The following LHFPL3 variants were observed in gnomAD, a reference collection of about 807,000 sequenced individuals.
The protein encoded by LHFPL3 is LHFPL tetraspan subfamily member 3, also known as LHFPL tetraspan subfamily member 3 protein.
A neutral mutation model predicts 19.3 loss-of-function variants in LHFPL3; 5 were observed. The ratio of observed to expected loss-of-function variants is 0.26; its 90% CI spans 0.14 to 0.54. The LOEUF (loss-of-function observed/expected upper bound fraction) is 0.54, where lower values mean the gene tolerates loss of function less well. Among genes scored for constraint, LHFPL3 ranks in the 20% least tolerant of loss-of-function variants. LHFPL3 has a pLI of 0.94. For synonymous variants in LHFPL3, 133 were observed against 126.2 expected (o/e 1.05, Z -0.36); for missense variants, 249 against 307.4 (o/e 0.81, Z 1.42).
intron 1 of LHFPL3, among the ~76,000 whole-genome samples, chr7:104,724,073 A>T (rs1562973554): frequency 6.6e-6 from 1 of 152,240 alleles, no homozygotes. Context: ...TCGTTGACTG[A>T]GGCATTAGCC....
intron 2 of LHFPL3, among the ~76,000 whole-genome samples, chr7:104,813,158 G>C (rs1790505417): frequency 6.6e-6 from 1 of 152,072 alleles, no homozygotes; most frequent in South Asian, 2.1e-4. Context: ...CACAACTGTG[G>C]TGCCAGCTAC....
intron 2 of LHFPL3, among the ~76,000 whole-genome samples, chr7:104,887,232 G>A (rs1792166902): frequency 6.6e-6 from 1 of 152,234 alleles, no homozygotes; most frequent in South Asian, 2.1e-4. Flanking sequence ...GGGAAGGAAA[G>A]ATGACTGTCT....
chr7:104,650,244 A>G (rs1219048831), intron 1 of LHFPL3, among the ~76,000 whole-genome samples: 6 of 152,222 alleles, frequency 3.9e-5, no homozygotes, highest in East Asian at 3.8e-4. Context: ...CTGTTAGGCC[A>G]CCACAATGAG....
At chr7:104,860,072 AGAAATAAAGTAC>A (rs1480488553) in intron 2 of LHFPL3, among the ~76,000 whole-genome samples, 2 of 152,140 alleles carry the variant, frequency 1.3e-5, no homozygotes, top group East Asian at 3.9e-4. Context: ...ACTTGGCTTA[AGAAATAAAGTAC>A]GACCCATAAC....
chr7:104,729,780 T>C (rs1793659405), intron 1 of LHFPL3, among the ~76,000 whole-genome samples: 2 of 152,282 alleles, frequency 1.3e-5, no homozygotes, highest in Admixed American at 6.5e-5. Flanking sequence ...AGTTCTAGGG[T>C]ACATGTGCAC....
chr7:104,393,921 T>TTAATGATTGC (rs1791130937), intron 1 of LHFPL3, among the ~76,000 whole-genome samples: 1 of 152,042 alleles, frequency 6.6e-6, no homozygotes, highest in Non-Finnish European at 1.5e-5. Context: ...AGAAGATAAA[T>TTAATGATTGC]TAATGATTGC....
intron 1 of LHFPL3, among the ~76,000 whole-genome samples, chr7:104,727,655 G>A (rs1389284285): frequency 6.6e-6 from 1 of 152,152 alleles, no homozygotes; most frequent in Non-Finnish European, 1.5e-5. Flanking sequence ...TTGCTCTGTG[G>A]AGGATATTGC....
At chr7:104,705,179 T>C (rs1052532591) in intron 1 of LHFPL3, among the ~76,000 whole-genome samples, 17 of 152,220 alleles carry the variant, frequency 1.1e-4, no homozygotes, top group African/African-American at 3.9e-4. Context: ...TAATATCACC[T>C]GCATTTTGGT....
chr7:104,629,675 CTGA>C (rs1165716983), intron 1 of LHFPL3, among the ~76,000 whole-genome samples: 1 of 152,208 alleles, frequency 6.6e-6, no homozygotes. Context: ...GACTTGCCAA[CTGA>C]TGCATACAAA....
At chr7:104,803,203 A>C (rs2116482112) in intron 2 of LHFPL3, among the ~76,000 whole-genome samples, 1 of 152,262 alleles carries the variant, frequency 6.6e-6, no homozygotes, top group Middle Eastern at 3.4e-3. Flanking sequence ...CATCCTCTCT[A>C]ATTCCTTTCA....
intron 1 of LHFPL3, among the ~76,000 whole-genome samples, chr7:104,529,111 C>T (rs943548878): frequency 1.3e-5 from 2 of 152,070 alleles, no homozygotes; most frequent in Admixed American, 6.6e-5. Flanking sequence ...CCCGAGAGGC[C>T]CAGGAGATGG....
intron 2 of LHFPL3, among the ~76,000 whole-genome samples, chr7:104,750,618 G>C (rs1251608445): frequency 2.0e-5 from 3 of 152,182 alleles, no homozygotes; most frequent in Non-Finnish European, 4.4e-5. Context: ...ATACCCCTGT[G>C]GGGATTTTTT....
At chr7:104,881,169 C>CAAAA (rs60361178) in intron 2 of LHFPL3, among the ~76,000 whole-genome samples, 3 of 91,522 alleles carry the variant, frequency 3.3e-5, no homozygotes, top group African/African-American at 8.3e-5. Context: ...GATTCCATCT[C>CAAAA]AAAAAAAAAA....
chr7:104,524,298 A>G (rs1393945989), intron 1 of LHFPL3, among the ~76,000 whole-genome samples: 1 of 152,138 alleles, frequency 6.6e-6, no homozygotes. Flanking sequence ...GAAAGAGTCA[A>G]ACTCTCGGGA....
intron 1 of LHFPL3, among the ~76,000 whole-genome samples, chr7:104,368,119 G>T (rs1790530053): frequency 6.6e-6 from 1 of 152,162 alleles, no homozygotes; most frequent in Non-Finnish European, 1.5e-5. Flanking sequence ...TAGCAGTGGG[G>T]CATGTGATTT....
intron 2 of LHFPL3, among the ~76,000 whole-genome samples, chr7:104,812,580 G>A (rs940993111): frequency 8.6e-5 from 13 of 151,394 alleles, no homozygotes; most frequent in Admixed American, 6.6e-5. Context: ...TGGGCAGATC[G>A]TTTGAGGTCA....
At chr7:104,655,456 G>A (rs1430570047) in intron 1 of LHFPL3, among the ~76,000 whole-genome samples, 1 of 152,160 alleles carries the variant, frequency 6.6e-6, no homozygotes, top group South Asian at 2.1e-4. Context: ...GGAAATGTTT[G>A]GTATGGACGT....
intron 1 of LHFPL3, among the ~76,000 whole-genome samples, chr7:104,702,038 CG>C (rs1395396006): frequency 3.9e-5 from 6 of 152,146 alleles, no homozygotes; most frequent in African/African-American, 1.4e-4. Context: ...ACCCCCACCC[CG>C]TGACAGGCCC....
At chr7:104,559,647 A>C (rs914887240) in intron 1 of LHFPL3, among the ~76,000 whole-genome samples, 36 of 152,138 alleles carry the variant, frequency 2.4e-4, no homozygotes, top group South Asian at 1.9e-3. Flanking sequence ...TTGACTTCCT[A>C]TTTTCCTAAC....
Sources: allele counts gnomAD v4.1 joint callset (sites outside exome capture counted in the v4.1 genomes callset), GRCh38; gene constraint gnomAD v4.1.1; transcripts MANE v1.5; gene names NCBI Gene and HGNC (gene_info 2026-07-23, HGNC 2026-07-21).